KIAA0513: variants seen among roughly 807,000 people sequenced by gnomAD.
The protein encoded by KIAA0513 is KIAA0513, also known as uncharacterized protein KIAA0513.
Under a neutral mutation model 56.5 loss-of-function variants are expected in KIAA0513, and 39 were observed. That is an observed-to-expected ratio of 0.69 (90% CI 0.53 to 0.90). The LOEUF is 0.90. KIAA0513 is among the 40% of genes least tolerant of loss of function. The pLI is 0.00. For missense variants in KIAA0513, 591 were observed against 535.2 expected, an observed-to-expected ratio of 1.10 and a Z score of -1.03; for synonymous variants, 268 against 215.6, an observed-to-expected ratio of 1.24 and a Z score of -2.13.
chr16:85,050,661 A>G (rs1463135762), intron 1 of KIAA0513, among the ~76,000 whole-genome samples: 3 of 151,960 alleles, frequency 2.0e-5, no homozygotes, highest in Non-Finnish European at 2.9e-5. Context: ...TCCCTCCCCA[A>G]TCCCCTGGGG....
rs2073502515 is a variant in KIAA0513 at position 85,067,387 on chromosome 16, ATCT to A, written c.320_322del (p.Phe107del). The A allele has an allele frequency of 4.4e-6, 7 of 1,601,632 alleles. No individual in the cohort carries two copies. Among genetic ancestry groups the A allele is most frequent in the South Asian group, 2.2e-5 (2 of 90,914 alleles). ...CTTCATGCGTGGCTACGTGGAGAAG[ATCT>A]TCTCTGGAGGGTAAGGGGCCTGTGT... On this transcript the variant is annotated inframe_deletion, in exon 2 of 13. Coordinates refer to ENST00000683363, the MANE Select transcript of KIAA0513 (RefSeq NM_001388359.1).
At chr16:85,077,384 C>A (rs1252606248) in intron 5 of KIAA0513, 41 bp from the exon 6 acceptor site, 2 of 1,596,472 alleles carry the variant, frequency 1.3e-6, no homozygotes, top group Non-Finnish European at 1.7e-6. Flanking sequence ...GGCGCATACC[C>A]CAGCCTCACT....
chr16:85,031,787 A>G (rs1420412499), intron 1 of KIAA0513, among the ~76,000 whole-genome samples: 1 of 152,148 alleles, frequency 6.6e-6, no homozygotes, highest in Non-Finnish European at 1.5e-5. Context: ...AGTCAAAATA[A>G]TGTTCCTTTT....
intron 1 of KIAA0513, among the ~76,000 whole-genome samples, chr16:85,042,951 A>G (rs1296004540): frequency 1.3e-5 from 2 of 152,190 alleles, no homozygotes; most frequent in East Asian, 1.9e-4. Context: ...TTAAGGACAC[A>G]ATTTTTAGAA....
At chr16:85,077,017 C>T (rs2073665306) in intron 5 of KIAA0513, among the ~76,000 whole-genome samples, 1 of 152,156 alleles carries the variant, frequency 6.6e-6, no homozygotes, top group Non-Finnish European at 1.5e-5. Flanking sequence ...CCAGACTCCT[C>T]CTCCAGGCCC....
Position 85,081,772 on chromosome 16 carries a change from G to A in KIAA0513, c.980+380G>A, listed in dbSNP as rs548975005. 6.6e-6 allele frequency among the ~76,000 whole-genome samples: 1 copy of A among 152,314 alleles called. No individual in the cohort carries two copies. The highest frequency in any genetic ancestry group is 2.1e-4 in the South Asian group (1 of 4,832). ...GGAGGAAGGGCTGGCCACCATCCCC[G>A]AGACTGCCCTCGAGAGCTGGCGCCT... On this transcript the variant is annotated intron_variant, in intron 9 of 12. Coordinates refer to ENST00000683363, the MANE Select transcript of KIAA0513 (RefSeq NM_001388359.1). The surrounding 1 kb of genome is among the most constrained non-coding windows in gnomAD (Gnocchi z 4.4).
Position 85,094,165 on chromosome 16 carries a change from G to A in KIAA0513, c.*5840G>A, listed in dbSNP as rs2077550694. 1 of 143,758 alleles carries A rather than the reference G, an allele frequency of 7.0e-6. No homozygotes were observed. Among genetic ancestry groups the A allele is most frequent in the Admixed American group, 6.9e-5 (1 of 14,598 alleles). The allele number at this position is 143,758 out of a possible 1,614,324, so 8.9% of individuals were successfully genotyped here. A position where few individuals can be genotyped will look rare whatever the true frequency, so the allele number is the denominator to read the frequency against. On this transcript the variant is annotated 3_prime_UTR_variant, in exon 13 of 13. Transcript: ENST00000683363. ...AGGTGTTTGCTGTGAAGAAAAACAT[G>A]TGTATATATTGCACCTTGAGTTGTC...
chr16:85,035,556 T>C (rs897311271), intron 1 of KIAA0513, among the ~76,000 whole-genome samples: 1 of 152,144 alleles, frequency 6.6e-6, no homozygotes, highest in Non-Finnish European at 1.5e-5. Context: ...AGTGGTGCAA[T>C]CACCGCTCAC....
Position 85,041,357 on chromosome 16 carries a change from C to T in KIAA0513, c.-173+13499C>T, listed in dbSNP as rs1180434498. On this transcript the variant is annotated intron_variant, in intron 1 of 12. Coordinates refer to ENST00000683363, the MANE Select transcript of KIAA0513 (RefSeq NM_001388359.1). ...CTTCTACCAGATTTCACCCAAAGAACGCAGCCCTTGAAAACCGCCCCAGGC... is the reference window on the plus strand; with the variant it reads ...CTTCTACCAGATTTCACCCAAAGAATGCAGCCCTTGAAAACCGCCCCAGGC... Among the ~76,000 whole-genome samples the T allele has an allele frequency of 2.6e-5, 4 of 152,310 alleles. No individual in the cohort carries two copies. The South Asian group carries it at 6.2e-4, about 24-fold the overall frequency.
At chr16:85,039,276 T>TA (rs1462749332) in intron 1 of KIAA0513, among the ~76,000 whole-genome samples, 4 of 152,198 alleles carry the variant, frequency 2.6e-5, no homozygotes, top group Non-Finnish European at 5.9e-5. Flanking sequence ...TGTAGGGACT[T>TA]ATGTATCATC....
intron 8 of KIAA0513, 72 bp downstream of exon 8, chr16:85,079,075 C>T (rs1454039576): frequency 2.5e-6 from 4 of 1,611,322 alleles, no homozygotes; most frequent in African/African-American, 2.7e-5. Context: ...GGGATCACTT[C>T]TAGCTGCCTT....
rs769935305 is a variant in KIAA0513 at position 85,088,326 on chromosome 16, G to A, written c.*1G>A. ...CATTGAGCAAATGGCCACTGAGTAG[G>A]CCCCAGAGGTCGCACTCCGCAGGAG... is the stretch of plus-strand genomic sequence containing the variant. On this transcript the variant is annotated 3_prime_UTR_variant, in exon 13 of 13. Transcript: ENST00000683363. 4 of 1,609,914 alleles carry A rather than the reference G, an allele frequency of 2.5e-6. No individual in the cohort carries two copies. Among genetic ancestry groups the A allele is most frequent in the Non-Finnish European group, 3.4e-6 (4 of 1,179,636 alleles).
At chr16:85,071,224 G>A (rs2073568688) in intron 2 of KIAA0513, among the ~76,000 whole-genome samples, 1 of 152,182 alleles carries the variant, frequency 6.6e-6, no homozygotes, top group South Asian at 2.1e-4. Flanking sequence ...AGCAGGGGAT[G>A]GCCTGAACCA....
At chr16:85,039,303 A>G (rs748429019) in intron 1 of KIAA0513, among the ~76,000 whole-genome samples, 35 of 152,022 alleles carry the variant, frequency 2.3e-4, no homozygotes, top group Non-Finnish European at 4.6e-4. Context: ...CTGTATGATT[A>G]CTCTTTTTAA....
chr16:85,072,792 C>A, intron 3 of KIAA0513, 133 bp from the exon 4 acceptor site: 1 of 834,530 alleles, frequency 1.2e-6, no homozygotes, highest in Non-Finnish European at 2.0e-6. Flanking sequence ...TTCTATAGTG[C>A]AGAGGCAGCA....
rs1250102491 is a variant in KIAA0513 at position 85,088,282 on chromosome 16, A to G, written c.1193A>G (p.Tyr398Cys). The G allele has an allele frequency of 3.7e-6, 6 of 1,612,610 alleles. No homozygotes were observed. Among genetic ancestry groups the G allele is most frequent in the Non-Finnish European group, 5.1e-6 (6 of 1,179,792 alleles). ...ACATCACTTTCTCTTCCAGAGCAAT[A>G]CAAGCTGCTTAGTGACCACATTGAG... ...AVIGNLDEEQYKLLSDHIEQM... is the reference protein window; with the variant it reads ...AVIGNLDEEQCKLLSDHIEQM... Residue 398 changes from tyrosine to cysteine, a missense_variant, in exon 13 of 13, where the codon TAC (tyrosine) becomes TGC (cysteine). Physicochemically the swap from Tyr to Cys is radical, Grantham distance 194. Transcript: ENST00000683363.
chr16:85,059,121 A>G (rs1320590848), intron 1 of KIAA0513, among the ~76,000 whole-genome samples: 2 of 152,196 alleles, frequency 1.3e-5, no homozygotes, highest in Non-Finnish European at 2.9e-5. Context: ...CAACTATTAG[A>G]CCAACTATTG....
rs1395681432 is a variant in KIAA0513, at chr16:85,076,646, C to T, written c.574+732C>T. 3.3e-5 allele frequency among the ~76,000 whole-genome samples: 5 copies of T among 152,140 alleles called. No individual in the cohort carries two copies. The highest frequency in any genetic ancestry group is 7.4e-5 in the Non-Finnish European group (5 of 68,022). On this transcript the variant is annotated intron_variant, in intron 5 of 12. Transcript: ENST00000683363. This position sits in a 1 kb window ranked among gnomAD's most constrained non-coding sequence, Gnocchi z 4.7. ...GGGTGTATGTATCCCCTCCCCCTCC[C>T]ACAGCCATCCTCTCCGCACCCCTCA...
chr16:85,042,456 G>C (rs207476239), intron 1 of KIAA0513, among the ~76,000 whole-genome samples: 1 of 152,102 alleles, frequency 6.6e-6, no homozygotes, highest in Non-Finnish European at 1.5e-5. Flanking sequence ...GTCCATACCC[G>C]CAATATTGTA....
Sources: gnomAD v4.1 joint callset for allele counts (sites outside exome capture counted in the v4.1 genomes callset) on GRCh38, gnomAD v4.1.1 for gene constraint, Gnocchi (gnomAD v3.1) non-coding constraint, MANE v1.5 for transcripts, NCBI Gene and HGNC (gene_info 2026-07-23, HGNC 2026-07-21) for gene names.